Variants in NOP9 observed in about 807,000 individuals in gnomAD.
The protein encoded by NOP9 is nucleolar protein 9.
In NOP9, 50 loss-of-function variants were observed where a neutral mutation model predicts 63.0. The observed-to-expected ratio is 0.79, with a 90% confidence interval of 0.63 to 1.00. The LOEUF (loss-of-function observed/expected upper bound fraction) is 1.00, where lower values mean the gene tolerates loss of function less well. Among genes scored for constraint, NOP9 ranks in the 50% least tolerant of loss-of-function variants. The pLI is 0.00. For synonymous variants in NOP9, 343 were observed against 332.8 expected (o/e 1.03, Z -0.33); for missense variants, 758 against 803.0 (o/e 0.94, Z 0.68).
At chr14:24,303,993 C>A in intron 7 of NOP9, 48 bp from the exon 8 acceptor site, 4 of 1,586,722 alleles carry the variant, frequency 2.5e-6, no homozygotes, top group Middle Eastern at 1.7e-4. Context: ...ATGGGCTCAT[C>A]CACCTGGCTT....
intron 7 of NOP9, 34 bp downstream of exon 7, chr14:24,303,891 T>A (rs1261977285): frequency 1.9e-6 from 3 of 1,609,760 alleles, no homozygotes; most frequent in Non-Finnish European, 2.6e-6. Flanking sequence ...CAGTGACTAA[T>A]TGGGAGTCAG....
rs1217126878 is a variant in NOP9, at chr14:24,306,052, TG to T, written c.*958del. On this transcript the variant is annotated 3_prime_UTR_variant, in exon 10 of 10. Coordinates refer to ENST00000267425, the MANE Select transcript of NOP9 (RefSeq NM_174913.3). ...GCTGCCAAAGAGGTCTCGAGGGTTT[TG>T]CTTGTACACGTCAAAGGTGAATCGG... The T allele has an allele frequency of 4.3e-6, 7 of 1,614,206 alleles. No homozygotes were observed. Among genetic ancestry groups the T allele is most frequent in the Non-Finnish European group, 5.9e-6 (7 of 1,180,030 alleles).
chr14:24,290,758 G>A, the NOP9 span: 3 of 1,474,464 alleles, frequency 2.0e-6, no homozygotes, highest in Non-Finnish European at 2.8e-6. Context: ...TTCATATCAA[G>A]GGTATGGGTA....
the NOP9 span, among the ~76,000 whole-genome samples, chr14:24,273,377 C>T: frequency 1.3e-5 from 2 of 152,138 alleles, no homozygotes; most frequent in African/African-American, 4.8e-5. Flanking sequence ...CGGGGTTTCA[C>T]CATGTTGGCC....
chr14:24,302,441 A>T lies in NOP9; in HGVS notation c.1143+17A>T, dbSNP rs775069587. 8 of 1,596,022 alleles carry T rather than the reference A, an allele frequency of 5.0e-6. No individual in the cohort carries two copies. The highest frequency in any genetic ancestry group is 6.9e-6 in the Non-Finnish European group (8 of 1,167,778). On this transcript the variant is annotated intron_variant, in intron 5 of 9. Transcript: ENST00000267425. ...CCTGAGCTGGTGAGTTGGAAACCTGAGCTGGATCTGTTTCTGCTAATTCTT... is the reference window on the plus strand; with the variant it reads ...CCTGAGCTGGTGAGTTGGAAACCTGTGCTGGATCTGTTTCTGCTAATTCTT...
the NOP9 span, among the ~76,000 whole-genome samples, chr14:24,283,328 G>A: frequency 1.3e-5 from 2 of 152,016 alleles, no homozygotes; most frequent in East Asian, 1.9e-4. Context: ...GGTGGCTCAC[G>A]CTGTAATCCC....
upstream of NOP9, chr14:24,299,816 C>T: frequency 1.8e-6 from 2 of 1,139,506 alleles, no homozygotes; most frequent in East Asian, 5.3e-5. Context: ...TGGGGCGGCG[C>T]GGAACTATGA....
chr14:24,304,440 A>G (rs900102453), intron 8 of NOP9, 53 bp from the exon 9 acceptor site: 10 of 1,498,378 alleles, frequency 6.7e-6, no homozygotes, highest in South Asian at 1.2e-5. Flanking sequence ...CAAGCCTCCA[A>G]AATACTTTTG....
chr14:24,303,936 G>C (rs1417597324), intron 7 of NOP9, 79 bp downstream of exon 7: 4 of 1,592,010 alleles, frequency 2.5e-6, no homozygotes. Flanking sequence ...TGACTTCTGA[G>C]GTGAGAGTGG....
In NOP9 at chr14:24,305,910, G is replaced by A. The variant is rs763090503; in HGVS notation, c.*815G>A. 1.3e-6 allele frequency: 2 copies of A among 1,598,618 alleles called. No homozygotes were observed. The highest frequency in any genetic ancestry group is 1.1e-5 in the South Asian group (1 of 88,644). ...GACGAATTATGGGGACTATCCAACT[G>A]TAGGGGATGGGGCAGTATGACATGT... is the stretch of plus-strand genomic sequence containing the variant. On this transcript the variant is annotated 3_prime_UTR_variant, in exon 10 of 10. Transcript: ENST00000267425.
At chr14:24,298,336 G>A (rs1453626780), upstream of NOP9, among the ~76,000 whole-genome samples, 1 of 152,234 alleles carries the variant, frequency 6.6e-6, no homozygotes, top group Non-Finnish European at 1.5e-5. Context: ...ACAGGCATGA[G>A]CCACTGTACT....
chr14:24,286,827 C>T, the NOP9 span, among the ~76,000 whole-genome samples: 2 of 151,966 alleles, frequency 1.3e-5, no homozygotes, highest in South Asian at 2.1e-4. Flanking sequence ...CTCCTGACCT[C>T]GTGATCCGCC....
the NOP9 span, among the ~76,000 whole-genome samples, chr14:24,280,739 A>C: frequency 4.7e-4 from 72 of 152,338 alleles, no homozygotes; most frequent in African/African-American, 1.6e-3. Context: ...ATTTCAGGGA[A>C]TCTAAGTGCC....
the NOP9 span, among the ~76,000 whole-genome samples, chr14:24,275,880 A>T: frequency 6.6e-6 from 1 of 152,224 alleles, no homozygotes; most frequent in African/African-American, 2.4e-5. Flanking sequence ...GACCAGAAAG[A>T]CAAGTCTCTG....
intron 4 of NOP9, 36 bp from the exon 5 acceptor site, chr14:24,302,196 G>A (rs772284440): frequency 1.2e-6 from 2 of 1,601,280 alleles, no homozygotes; most frequent in East Asian, 4.5e-5. Flanking sequence ...TGCATGAAAT[G>A]GAGTTAAGAC....
In NOP9 at chr14:24,307,011, A is replaced by G; in HGVS notation, c.*1916A>G. On this transcript the variant is annotated 3_prime_UTR_variant, in exon 10 of 10. Coordinates refer to ENST00000267425, the MANE Select transcript of NOP9 (RefSeq NM_174913.3). Reference sequence around the variant, plus strand: ...TGATGTATTATTATTGCCTTTTTATAGTTGAAGAAACTGAGGTTTTGGTAG... The same window carrying G: ...TGATGTATTATTATTGCCTTTTTATGGTTGAAGAAACTGAGGTTTTGGTAG... The G allele has an allele frequency of 4.0e-6, 1 of 250,784 alleles. No individual in the cohort carries two copies. The highest frequency in any genetic ancestry group is 7.1e-5 in the South Asian group (1 of 13,996). The allele number at this position is 250,784 out of a possible 1,614,324, so 15.5% of individuals were successfully genotyped here.
At chr14:24,285,078 C>G in the NOP9 span, among the ~76,000 whole-genome samples, 1 of 152,188 alleles carries the variant, frequency 6.6e-6, no homozygotes, top group African/African-American at 2.4e-5. Context: ...GCCAGTTAGT[C>G]AAAGCTCACA....
At chr14:24,282,143 C>T in the NOP9 span, among the ~76,000 whole-genome samples, 40 of 152,214 alleles carry the variant, frequency 2.6e-4, no homozygotes, top group African/African-American at 9.6e-4. Context: ...GCCGAGATAG[C>T]GCCACTGCAC....
chr14:24,296,268 G>A (rs1475217398), upstream of NOP9, among the ~76,000 whole-genome samples: 3 of 152,246 alleles, frequency 2.0e-5, no homozygotes, highest in African/African-American at 7.2e-5. Context: ...TGGGCAGAGA[G>A]TGAGACAGGA....
Sources: gnomAD v4.1 joint callset for allele counts (sites outside exome capture counted in the v4.1 genomes callset) on GRCh38, gnomAD v4.1.1 for gene constraint, MANE v1.5 for transcripts, NCBI Gene and HGNC (gene_info 2026-07-23, HGNC 2026-07-21) for gene names.